The following EPC2 variants were observed in gnomAD, a reference collection of about 807,000 sequenced individuals.
The protein encoded by EPC2 is enhancer of polycomb homolog 2.
Under a neutral mutation model 92.1 loss-of-function variants are expected in EPC2, and 14 were observed. The observed-to-expected ratio is 0.15, with a 90% CI of 0.10 to 0.24. EPC2 has a LOEUF of 0.24. Among genes scored for constraint, EPC2 ranks in the 10% least tolerant of loss-of-function variants. EPC2 has a pLI of 1.00. For missense variants in EPC2, 755 were observed against 971.5 expected, an observed-to-expected ratio of 0.78 and a Z score of 2.96; for synonymous variants, 340 against 334.7, an observed-to-expected ratio of 1.02 and a Z score of -0.17.
intron 4 of EPC2, among the ~76,000 whole-genome samples, chr2:148,759,449 A>G (rs983111680): frequency 1.3e-5 from 2 of 152,214 alleles, no homozygotes; most frequent in African/African-American, 4.8e-5. Flanking sequence ...TATAGCAGTA[A>G]CTATATTTTT....
chr2:148,723,758 C>T (rs1682430257), intron 2 of EPC2, among the ~76,000 whole-genome samples: 1 of 152,004 alleles, frequency 6.6e-6, no homozygotes, highest in Non-Finnish European at 1.5e-5. Flanking sequence ...ATATCGTCGT[C>T]TTTGTAATTT....
intron 1 of EPC2, among the ~76,000 whole-genome samples, chr2:148,678,467 G>A (rs1308521413): frequency 1.3e-5 from 2 of 152,238 alleles, no homozygotes; most frequent in Non-Finnish European, 2.9e-5. Flanking sequence ...GCTTGTTGAG[G>A]AGGCTCGGGC....
Position 148,784,917 on chromosome 2 carries a change from C to G in EPC2, c.2267C>G (p.Thr756Arg). The change falls in exon 13 of 14, where the codon ACA (threonine) becomes AGA (arginine). Residue 756 changes from threonine (T) to arginine (R), a missense_variant. Thr to Arg is a moderately conservative substitution (Grantham distance 71, BLOSUM62 -1). Around this residue, in one of 4 missense-constraint regions of EPC2, gnomAD observed 207 missense variants for 260.5 expected, o/e 0.79. Transcript: ENST00000258484. ...ACACGGACTTCAGCACCATCGCCAA[C>G]AGCCTTAAAACTTGCCACAGTTGCT... is the stretch of plus-strand genomic sequence containing the variant. ...INTRTSAPSP[T>R]ALKLATVAAS... The G allele has an allele frequency of 6.3e-7, 1 of 1,587,302 alleles. No individual in the cohort carries two copies. The highest frequency in any genetic ancestry group is 8.6e-7 in the Non-Finnish European group (1 of 1,166,204).
At chr2:148,686,804 G>A (rs72862686) in intron 1 of EPC2, among the ~76,000 whole-genome samples, 31 of 152,170 alleles carry the variant, frequency 2.0e-4, no homozygotes, top group Non-Finnish European at 3.7e-4. Context: ...TCAACAGTTA[G>A]CTTAGAATAT....
intron 2 of EPC2, among the ~76,000 whole-genome samples, chr2:148,728,904 C>T (rs1369719913): frequency 6.7e-6 from 1 of 149,874 alleles, no homozygotes; most frequent in Non-Finnish European, 1.5e-5. Context: ...TGGTGGTGGG[C>T]GCCTGTAGTC....
In EPC2 at chr2:148,705,974, C is replaced by T. The variant is rs189941013; in HGVS notation, c.313+15601C>T. Among the ~76,000 whole-genome samples the T allele has an allele frequency of 3.3e-3, 508 of 151,966 alleles. 2 individuals carry two copies. The highest frequency in any genetic ancestry group is 0.012 in the African/African-American group (484 of 41,470). On this transcript the variant is annotated intron_variant, in intron 2 of 13. Coordinates refer to ENST00000258484, the MANE Select transcript of EPC2 (RefSeq NM_015630.4). ...AAGGATCACAGCTCCTCACCAGCAACGGAACAAAGCTGGACGGAGAATGAC... is the reference window on the plus strand; with the variant it reads ...AAGGATCACAGCTCCTCACCAGCAATGGAACAAAGCTGGACGGAGAATGAC...
intron 2 of EPC2, among the ~76,000 whole-genome samples, chr2:148,739,830 CTTCTTTTTTTT>C (rs1284218670): frequency 2.1e-5 from 2 of 96,710 alleles, no homozygotes; most frequent in South Asian, 8.8e-4. Context: ...TTTTCTTCTT[CTTCTTTTTTTT>C]TTTTTTTTTT....
chr2:148,645,202 C>A, intron 1 of EPC2, 32 bp downstream of exon 1: 3 of 1,481,988 alleles, frequency 2.0e-6, no homozygotes, highest in Non-Finnish European at 2.7e-6. Context: ...ACCCCCCCTT[C>A]CCTCCTCCCC....
intron 2 of EPC2, among the ~76,000 whole-genome samples, chr2:148,693,704 A>G (rs1681685624): frequency 6.6e-6 from 1 of 152,176 alleles, no homozygotes; most frequent in South Asian, 2.1e-4. Context: ...TTAACCCATC[A>G]TGCTTCAAGC....
rs73968811 is a variant in EPC2, at chr2:148,693,916, G to A, written c.313+3543G>A. Among the ~76,000 whole-genome samples the A allele has an allele frequency of 1.0e-2, 1,520 of 152,206 alleles. 23 individuals carry two copies. The highest frequency in any genetic ancestry group is 0.034 in the African/African-American group (1,425 of 41,518). ...GTGTCCAGTGCGTACTTTCGTTGTG[G>A]CACTGACCACCTTCAGTTGTGATTG... is the stretch of plus-strand genomic sequence containing the variant. On this transcript the variant is annotated intron_variant, in intron 2 of 13. Transcript: ENST00000258484.
intron 3 of EPC2, among the ~76,000 whole-genome samples, chr2:148,745,194 G>A (rs907349529): frequency 1.3e-5 from 2 of 151,830 alleles, no homozygotes; most frequent in African/African-American, 2.4e-5. Context: ...GATTTTAATC[G>A]CAGGCATCAG....
chr2:148,652,359 A>G (rs147223865), intron 1 of EPC2, among the ~76,000 whole-genome samples: 158 of 152,316 alleles, frequency 1.0e-3, no homozygotes, highest in African/African-American at 3.5e-3. Context: ...AGATGTTTTA[A>G]TGAGCTTAGA....
intron 1 of EPC2, among the ~76,000 whole-genome samples, chr2:148,683,763 C>T (rs945306115): frequency 6.6e-6 from 1 of 152,190 alleles, no homozygotes; most frequent in South Asian, 2.1e-4. Context: ...ACACCACATT[C>T]ACTCCTTAGT....
chr2:148,753,214 G>T (rs1339769810), intron 3 of EPC2, among the ~76,000 whole-genome samples: 13 of 152,158 alleles, frequency 8.5e-5, no homozygotes, highest in Non-Finnish European at 1.8e-4. Context: ...TAAAGAGGTA[G>T]GTCCCTGAAA....
intron 2 of EPC2, among the ~76,000 whole-genome samples, chr2:148,742,302 C>T (rs1442641780): frequency 1.3e-5 from 2 of 152,232 alleles, no homozygotes; most frequent in African/African-American, 2.4e-5. Flanking sequence ...TAATTGCCTA[C>T]ACACATGGTT....
chr2:148,773,809 T>A (rs1433620850), intron 10 of EPC2, among the ~76,000 whole-genome samples: 6 of 152,212 alleles, frequency 3.9e-5, no homozygotes, highest in Non-Finnish European at 8.8e-5. Flanking sequence ...CAGTTACAGT[T>A]CCATGAATGT....
chr2:148,726,553 G>T (rs1469883337), intron 2 of EPC2, among the ~76,000 whole-genome samples: 1 of 152,016 alleles, frequency 6.6e-6, no homozygotes, highest in Non-Finnish European at 1.5e-5. Flanking sequence ...TTTCCCTGAT[G>T]ATTACTGATG....
chr2:148,684,325 T>G (rs2105368313), intron 1 of EPC2, among the ~76,000 whole-genome samples: 1 of 152,356 alleles, frequency 6.6e-6, no homozygotes, highest in East Asian at 1.9e-4. Flanking sequence ...CCCTGCTGAT[T>G]ATTTCTTTTG....
At chr2:148,688,092 A>G (rs1340536395) in intron 1 of EPC2, among the ~76,000 whole-genome samples, 2 of 152,188 alleles carry the variant, frequency 1.3e-5, no homozygotes, top group Non-Finnish European at 2.9e-5. Flanking sequence ...AAGACCTTCT[A>G]ATTTCCAAAA....
Sources: allele counts gnomAD v4.1 joint callset (sites outside exome capture counted in the v4.1 genomes callset), GRCh38; gene constraint gnomAD v4.1.1; regional missense constraint gnomAD v4.1.1; transcripts MANE v1.5; gene names NCBI Gene and HGNC (gene_info 2026-07-23, HGNC 2026-07-21).